ADGRV1: variants seen among roughly 807,000 people sequenced by gnomAD.
ADGRV1 encodes the protein G-protein coupled receptor 98.
Under a neutral mutation model 596.2 loss-of-function variants are expected in ADGRV1, and 359 were observed. The ratio of observed to expected loss-of-function variants is 0.60; its 90% CI spans 0.55 to 0.66. The LOEUF (loss-of-function observed/expected upper bound fraction) is 0.66. Ranked by LOEUF, ADGRV1 falls within the 30% of genes least tolerant of loss-of-function variation. The probability of loss-of-function intolerance (pLI) is 0.00; values close to 1 mark genes in which losing one functional copy is unlikely to be tolerated. For synonymous variants in ADGRV1, 2,681 were observed against 2,679.2 expected (o/e 1.00, Z -0.02); for missense variants, 7,274 against 7,575.6 (o/e 0.96, Z 1.48).
chr5:90,946,098 C>T (rs1172459768), intron 83 of ADGRV1, among the ~76,000 whole-genome samples: 1 of 152,076 alleles, frequency 6.6e-6, no homozygotes, highest in East Asian at 1.9e-4. Context: ...TGAACTGAGA[C>T]AAATAAGATG....
chr5:90,629,313 C>A lies in ADGRV1; in HGVS notation c.1613C>A (p.Ser538Tyr). 9 of 1,613,508 alleles carry A rather than the reference C, an allele frequency of 5.6e-6. No individual in the cohort carries two copies. Among genetic ancestry groups the A allele is most frequent in the Non-Finnish European group, 7.6e-6 (9 of 1,179,714 alleles). Residue 538 changes from serine (S) to tyrosine (Y), a missense_variant, in exon 9 of 90, where the codon TCC (serine) becomes TAC (tyrosine). Physicochemically the swap from Ser to Tyr is moderately radical, Grantham distance 144 (BLOSUM62 -2). This residue lies in a region of ADGRV1 where 1,715 missense variants were observed against 1,708.8 expected (regional missense o/e 1.00). Coordinates refer to ENST00000405460, the MANE Select transcript of ADGRV1 (RefSeq NM_032119.4). Reference sequence around the variant, plus strand: ...AGCAGCCCAGGTGAACGATACTTATCCTTGAGTTTTACAAGACTAGGAGGG... The same window carrying A: ...AGCAGCCCAGGTGAACGATACTTATACTTGAGTTTTACAAGACTAGGAGGG... ...IESSPGERYLSLSFTRLGGTK... is the reference protein window; with the variant it reads ...IESSPGERYLYLSFTRLGGTK...
chr5:91,055,143 A>C (rs946332487), intron 85 of ADGRV1, among the ~76,000 whole-genome samples: 1 of 152,158 alleles, frequency 6.6e-6, no homozygotes, highest in African/African-American at 2.4e-5. Context: ...CACTGCTATA[A>C]GTGCTCTAAA....
chr5:90,965,347 G>A, intron 83 of ADGRV1, 68 bp from the exon 84 acceptor site: 1 of 990,726 alleles, frequency 1.0e-6, no homozygotes, highest in Non-Finnish European at 1.6e-6. Context: ...TAAGAAAGCA[G>A]TTTACTTTCT....
intron 21 of ADGRV1, among the ~76,000 whole-genome samples, chr5:90,662,187 CTT>C (rs5869513): frequency 3.1e-5 from 4 of 130,846 alleles, no homozygotes; most frequent in East Asian, 2.3e-4. Flanking sequence ...GGTTAAACAA[CTT>C]TTTTTTTTTT....
chr5:91,119,714 A>G (rs1793146369), intron 87 of ADGRV1, among the ~76,000 whole-genome samples: 1 of 152,238 alleles, frequency 6.6e-6, no homozygotes, highest in Non-Finnish European at 1.5e-5. Context: ...TAAGAAATAA[A>G]AAACCACACA....
intron 75 of ADGRV1, among the ~76,000 whole-genome samples, chr5:90,817,628 A>C (rs1470801435): frequency 1.3e-5 from 2 of 152,076 alleles, no homozygotes; most frequent in African/African-American, 2.4e-5. Flanking sequence ...AGCTTTCTAC[A>C]TATGGCTAGC....
chr5:91,103,683 T>C (rs1297784930), intron 87 of ADGRV1, among the ~76,000 whole-genome samples: 1 of 152,144 alleles, frequency 6.6e-6, no homozygotes, highest in Non-Finnish European at 1.5e-5. Flanking sequence ...AAAACCTGAA[T>C]TGCTGGCTTT....
chr5:91,052,080 T>C (rs1404517176), intron 85 of ADGRV1, among the ~76,000 whole-genome samples: 1 of 152,216 alleles, frequency 6.6e-6, no homozygotes, highest in African/African-American at 2.4e-5. Context: ...TATTGGTTTT[T>C]CTTTTTTAAA....
chr5:90,672,493 T>G (rs1772623087), intron 21 of ADGRV1, 53 bp from the exon 22 acceptor site: 1 of 1,382,500 alleles, frequency 7.2e-7, no homozygotes, highest in African/African-American at 1.4e-5. Context: ...ATTGTAATTT[T>G]GTCACTGATT....
intron 85 of ADGRV1, among the ~76,000 whole-genome samples, chr5:90,998,782 C>T (rs1016814912): frequency 6.6e-6 from 1 of 152,074 alleles, no homozygotes; most frequent in Non-Finnish European, 1.5e-5. Flanking sequence ...AACATTCTTG[C>T]CAACTCTGGG....
rs1438593755 is a variant in ADGRV1, at chr5:90,628,625, G to A, written c.1302G>A (p.Val434=). 1 of 1,613,876 alleles carries A rather than the reference G, an allele frequency of 6.2e-7. No homozygotes were observed. Residue 434 remains valine (V), a synonymous_variant, in exon 8 of 90, where the codon GTG becomes GTA. Coordinates refer to ENST00000405460, the MANE Select transcript of ADGRV1 (RefSeq NM_032119.4). ...GTHGNVSANW[V]LTRNSTDPSP... is the part of the protein sequence containing the mutation. ...ATGGGAATGTCTCTGCGAATTGGGT[G>A]TTGACACGGAACAGCACTGATCCCT...
rs767366116 is a variant in ADGRV1 at position 91,153,280 on chromosome 5, A to G, written c.18684A>G (p.Leu6228=). The change falls in exon 89 of 90, where the codon TTA becomes TTG. Residue 6228 remains leucine (L), a synonymous_variant. Coordinates refer to ENST00000405460, the MANE Select transcript of ADGRV1 (RefSeq NM_032119.4). The part of the protein sequence containing the change: ...FQQGSQASPD[L]KPSPQNGATF... Reference sequence around the variant, plus strand: ...AGGGCAGTCAGGCCAGCCCTGATTTAAAGCCAAGTCCACAAAATGGAGCCA... The same window carrying G: ...AGGGCAGTCAGGCCAGCCCTGATTTGAAGCCAAGTCCACAAAATGGAGCCA... 1.2e-6 allele frequency: 2 copies of G among 1,609,930 alleles called. No individual in the cohort carries two copies. Among genetic ancestry groups the G allele is most frequent in the South Asian group, 1.1e-5 (1 of 89,898 alleles).
At position 90,909,344 on chromosome 5, in the gene ADGRV1, T is replaced by C. The variant is rs548352077; in HGVS notation, c.17856+45487T>C. Among the ~76,000 whole-genome samples the C allele has an allele frequency of 5.3e-5, 8 of 152,306 alleles. No homozygotes were observed. The South Asian group carries it at 1.7e-3, about 32-fold the overall frequency. On this transcript the variant is annotated intron_variant, in intron 83 of 89. Transcript: ENST00000405460. ...AAATGTTGCTATTATGCCTTGGTGC[T>C]CTCTGCCTGTTTGATTTCTCCTCTA...
rs763998348 is a variant in ADGRV1, at chr5:90,810,777, A to G, written c.15517A>G (p.Thr5173Ala). The G allele has an allele frequency of 3.7e-6, 6 of 1,613,830 alleles. No homozygotes were observed. The South Asian group carries it at 6.6e-5, about 18-fold the overall frequency. The change falls in exon 74 of 90, where the codon ACC becomes GCC. Residue 5173 changes from threonine (T) to alanine (A), a missense_variant. Physicochemically the swap from Thr to Ala is moderately conservative, Grantham distance 58 (BLOSUM62 0). This residue lies in a region of ADGRV1 where 1,874 missense variants were observed against 1,970.2 expected (regional missense o/e 0.95). Transcript: ENST00000405460. Reference sequence around the variant, plus strand: ...CAAGACGACTACCATTCTGCAGCCAACCAACGTGGTTGCCATTGTTACTGA... The same window carrying G: ...CAAGACGACTACCATTCTGCAGCCAGCCAACGTGGTTGCCATTGTTACTGA... ...TSKTTTILQP[T>A]NVVAIVTEAT...
Position 90,811,291 on chromosome 5 carries a change from A to G in ADGRV1, c.16031A>G (p.Glu5344Gly), listed in dbSNP as rs2438374. ...CAAGGGGGAGCACAGATTGTGGAGG[A>G]GAAGGATGATACTGGATTTGCAGCT... Reference protein sequence around the residue: ...NPQGGAQIVEEKDDTGFAAFA... With the variant: ...NPQGGAQIVEGKDDTGFAAFA... Residue 5344 changes from glutamate to glycine, a missense_variant, in exon 74 of 90, where the codon GAG becomes GGG. Glu to Gly is a moderately conservative substitution (Grantham distance 98). Coordinates refer to ENST00000405460, the MANE Select transcript of ADGRV1 (RefSeq NM_032119.4). 1,564,242 of 1,612,382 alleles carry G rather than the reference A, an allele frequency of 0.97. 759,533 individuals are homozygous for G. The highest frequency in any genetic ancestry group is 1 in the East Asian group (44,875 of 44,876).
intron 31 of ADGRV1, 101 bp from the exon 32 acceptor site, chr5:90,692,504 C>T: frequency 1.2e-6 from 1 of 833,552 alleles, no homozygotes; most frequent in Non-Finnish European, 1.8e-6. Context: ...CCATTTTGTT[C>T]TTGTACTTGT....
intron 23 of ADGRV1, 38 bp downstream of exon 23, chr5:90,674,272 C>G: frequency 6.7e-7 from 1 of 1,489,008 alleles, no homozygotes; most frequent in Non-Finnish European, 9.0e-7. Flanking sequence ...CCTCTCTTCT[C>G]TGGGTGTACT....
At chr5:90,795,050 G>C (rs1561748043) in intron 70 of ADGRV1, among the ~76,000 whole-genome samples, 1 of 151,368 alleles carries the variant, frequency 6.6e-6, no homozygotes, top group Non-Finnish European at 1.5e-5. Flanking sequence ...ACAAAACTGG[G>C]CAGCTGTTTG....
chr5:90,729,993 G>A (rs908762396), intron 50 of ADGRV1, among the ~76,000 whole-genome samples: 3 of 152,062 alleles, frequency 2.0e-5, no homozygotes, highest in African/African-American at 7.2e-5. Flanking sequence ...AGTCTCCCCA[G>A]TAGCTGGGAC....
Sources: gnomAD v4.1 joint callset for allele counts (sites outside exome capture counted in the v4.1 genomes callset) on GRCh38, gnomAD v4.1.1 for gene constraint, gnomAD v4.1.1 regional missense constraint, MANE v1.5 for transcripts, NCBI Gene and HGNC (gene_info 2026-07-23, HGNC 2026-07-21) for gene names.